Variants in PLCB1 observed in about 807,000 individuals in gnomAD.
PLCB1 encodes the protein phospholipase C beta 1.
PLCB1 carries 46 observed loss-of-function variants against 161.8 expected under a neutral mutation model. The ratio of observed to expected loss-of-function variants is 0.28; its 90% CI spans 0.22 to 0.36. The LOEUF (loss-of-function observed/expected upper bound fraction) is 0.36. Ranked by LOEUF, PLCB1 falls within the 10% of genes least tolerant of loss-of-function variation. PLCB1 has a pLI of 1.00. For synonymous variants in PLCB1, 517 were observed against 503.7 expected (o/e 1.03, Z -0.35); for missense variants, 1,016 against 1,472.5 (o/e 0.69, Z 5.07).
At chr20:8,354,130 G>A (rs762013349) in intron 2 of PLCB1, among the ~76,000 whole-genome samples, 3 of 152,044 alleles carry the variant, frequency 2.0e-5, no homozygotes, top group Non-Finnish European at 4.4e-5. Context: ...TTCTATTTGA[G>A]AAGATGTAAA....
chr20:8,355,879 C>CT (rs1314460691), intron 2 of PLCB1, among the ~76,000 whole-genome samples: 9 of 152,070 alleles, frequency 5.9e-5, no homozygotes, highest in African/African-American at 2.2e-4. Flanking sequence ...TTCGGGAATG[C>CT]TTATAAGGGA....
At chr20:8,258,482 A>G (rs1277730126) in intron 2 of PLCB1, among the ~76,000 whole-genome samples, 1 of 152,120 alleles carries the variant, frequency 6.6e-6, no homozygotes, top group Non-Finnish European at 1.5e-5. Flanking sequence ...AGATGATAGA[A>G]AAACGTTTGG....
chr20:8,734,180 A>G (rs1157203803), intron 19 of PLCB1, among the ~76,000 whole-genome samples: 2 of 149,772 alleles, frequency 1.3e-5, no homozygotes, highest in Non-Finnish European at 3.0e-5. Flanking sequence ...GGCCACATGA[A>G]TAAGATAAAG....
At chr20:8,517,528 A>C (rs1984180837) in intron 3 of PLCB1, among the ~76,000 whole-genome samples, 3 of 152,190 alleles carry the variant, frequency 2.0e-5, no homozygotes, top group African/African-American at 7.2e-5. Context: ...GGAAAACAGC[A>C]ACTGCTAGCA....
chr20:8,501,367 G>C (rs567024942), intron 3 of PLCB1, among the ~76,000 whole-genome samples: 91 of 152,220 alleles, frequency 6.0e-4, no homozygotes, highest in Non-Finnish European at 1.2e-3. Flanking sequence ...CACAGTGCCT[G>C]ATGCACCACA....
At chr20:8,480,097 ATAGTTCAGAT>A (rs1982437414) in intron 3 of PLCB1, among the ~76,000 whole-genome samples, 1 of 152,218 alleles carries the variant, frequency 6.6e-6, no homozygotes, top group Non-Finnish European at 1.5e-5. Flanking sequence ...TCGCCAGGTA[ATAGTTCAGAT>A]TACTTCAGAG....
intron 2 of PLCB1, among the ~76,000 whole-genome samples, chr20:8,335,992 G>T (rs1021288549): frequency 3.9e-5 from 6 of 152,168 alleles, no homozygotes; most frequent in African/African-American, 1.2e-4. Flanking sequence ...GATTCAGAAG[G>T]GTGAGGCAAG....
At chr20:8,350,652 T>C (rs1986152676) in intron 2 of PLCB1, among the ~76,000 whole-genome samples, 2 of 152,194 alleles carry the variant, frequency 1.3e-5, no homozygotes, top group Non-Finnish European at 2.9e-5. Flanking sequence ...CTCTAGATCT[T>C]TGAGGAATCA....
chr20:8,151,734 C>T (rs763877981), intron 2 of PLCB1, among the ~76,000 whole-genome samples: 4 of 152,002 alleles, frequency 2.6e-5, no homozygotes, highest in East Asian at 1.9e-4. Flanking sequence ...TATTCATGAA[C>T]GATGTACTTA....
intron 31 of PLCB1, among the ~76,000 whole-genome samples, chr20:8,855,925 G>A (rs1444805521): frequency 6.6e-6 from 1 of 151,402 alleles, no homozygotes; most frequent in Non-Finnish European, 1.5e-5. Context: ...ACTTTATTTA[G>A]GTAGCTCTAC....
intron 3 of PLCB1, among the ~76,000 whole-genome samples, chr20:8,493,933 TGCTATA>T (rs1172474199): frequency 7.5e-6 from 1 of 133,224 alleles, no homozygotes; most frequent in Non-Finnish European, 1.5e-5. Flanking sequence ...GAGTGCTGTG[TGCTATA>T]GCATCACTGG....
intron 2 of PLCB1, among the ~76,000 whole-genome samples, chr20:8,297,146 C>A (rs1983670529): frequency 6.6e-6 from 1 of 151,912 alleles, no homozygotes; most frequent in Admixed American, 6.6e-5. Context: ...TACATATATA[C>A]ATGCATACTC....
intron 3 of PLCB1, among the ~76,000 whole-genome samples, chr20:8,447,561 G>A (rs1980890443): frequency 6.6e-6 from 1 of 152,200 alleles, no homozygotes; most frequent in Non-Finnish European, 1.5e-5. Flanking sequence ...GAGGGATAGA[G>A]TAGGCCGCTT....
intron 3 of PLCB1, among the ~76,000 whole-genome samples, chr20:8,532,057 G>C (rs1022068749): frequency 4.6e-5 from 7 of 152,108 alleles, no homozygotes; most frequent in African/African-American, 1.7e-4. Flanking sequence ...TTGGGGTTTA[G>C]AGGGGCCTAT....
At chr20:8,488,229 T>G (rs1045802226) in intron 3 of PLCB1, among the ~76,000 whole-genome samples, 2 of 152,070 alleles carry the variant, frequency 1.3e-5, no homozygotes, top group African/African-American at 4.8e-5. Context: ...TCTTAACCAT[T>G]GCAGAAGTGA....
chr20:8,710,042 AT>A (rs1400460595), intron 12 of PLCB1, among the ~76,000 whole-genome samples: 3 of 152,202 alleles, frequency 2.0e-5, no homozygotes, highest in Admixed American at 2.0e-4. Context: ...AACAATACGT[AT>A]GAGTCCATTC....
At chr20:8,161,185 G>A (rs1368628380) in intron 2 of PLCB1, among the ~76,000 whole-genome samples, 1 of 151,896 alleles carries the variant, frequency 6.6e-6, no homozygotes, top group Admixed American at 6.6e-5. Context: ...TATAGTATAT[G>A]TAGCATAGGT....
chr20:8,789,272 A>G (rs1983635754), intron 29 of PLCB1, among the ~76,000 whole-genome samples: 1 of 152,180 alleles, frequency 6.6e-6, no homozygotes. Flanking sequence ...CCAGCTACTC[A>G]GAAGGCTGAG....
intron 12 of PLCB1, among the ~76,000 whole-genome samples, chr20:8,713,162 T>C (rs551514125): frequency 7.9e-5 from 12 of 152,268 alleles, no homozygotes; most frequent in African/African-American, 2.9e-4. Flanking sequence ...TCCATCTCAG[T>C]TGATTCTGAG....
Sources: gnomAD v4.1 joint callset for allele counts (sites outside exome capture counted in the v4.1 genomes callset) on GRCh38, gnomAD v4.1.1 for gene constraint, MANE v1.5 for transcripts, NCBI Gene and HGNC (gene_info 2026-07-23, HGNC 2026-07-21) for gene names.